KCNQ5: variants seen among roughly 807,000 people sequenced by gnomAD.
KCNQ5 encodes potassium voltage-gated channel subfamily Q member 5.
Under a neutral mutation model 98.2 loss-of-function variants are expected in KCNQ5, and 30 were observed. The observed-to-expected ratio is 0.31, with a 90% CI of 0.23 to 0.41. The LOEUF (loss-of-function observed/expected upper bound fraction) is 0.41, where lower values mean the gene tolerates loss of function less well. KCNQ5 is among the 10% of genes least tolerant of loss of function. The pLI, the probability that KCNQ5 is intolerant of heterozygous loss-of-function variation, is 1.00. For synonymous variants in KCNQ5, 458 were observed against 449.4 expected, an observed-to-expected ratio of 1.02 and a Z score of -0.24; for missense variants, 835 against 1,182.5, an observed-to-expected ratio of 0.71 and a Z score of 4.31.
At chr6:73,101,350 A>G (rs966605722) in intron 5 of KCNQ5, among the ~76,000 whole-genome samples, 4 of 152,182 alleles carry the variant, frequency 2.6e-5, no homozygotes, top group African/African-American at 9.7e-5. Context: ...TTAGAACACA[A>G]CAAAGATGCT....
At chr6:73,055,532 C>T (rs1304376204) in intron 3 of KCNQ5, 2 of 1,495,854 alleles carry the variant, frequency 1.3e-6, no homozygotes, top group Non-Finnish European at 1.9e-6. Flanking sequence ...CACAGAAAAT[C>T]ACCTACCCTC....
rs556416717 is a variant in KCNQ5, at chr6:72,914,681, G to A, written c.399-89227G>A. On this transcript the variant is annotated intron_variant, in intron 1 of 13. Coordinates refer to ENST00000370398, the MANE Select transcript of KCNQ5 (RefSeq NM_019842.4). ...CCATTGCTATGACAAAAGAAGCATC[G>A]AGCCCTCAAAGAGCTAAAGAGTAGA... Among the ~76,000 whole-genome samples the A allele has an allele frequency of 9.9e-5, 15 of 151,550 alleles. No homozygotes were observed. In the South Asian group the frequency reaches 2.3e-3, roughly 23 times the overall value.
At chr6:72,737,935 C>T (rs1191854397) in intron 1 of KCNQ5, among the ~76,000 whole-genome samples, 2 of 152,114 alleles carry the variant, frequency 1.3e-5, no homozygotes, top group Non-Finnish European at 2.9e-5. Context: ...GTGGGTGGAT[C>T]ACAAGGTCAG....
intron 10 of KCNQ5, among the ~76,000 whole-genome samples, chr6:73,166,352 C>G (rs1777794278): frequency 6.6e-6 from 1 of 151,568 alleles, no homozygotes; most frequent in South Asian, 2.1e-4. Context: ...AGGAGAATGG[C>G]GTGAACCTGG....
intron 1 of KCNQ5, among the ~76,000 whole-genome samples, chr6:72,623,690 C>T (rs528483341): frequency 6.6e-6 from 1 of 151,656 alleles, no homozygotes; most frequent in East Asian, 1.9e-4. Flanking sequence ...ATTATTATTT[C>T]TGCTTCTTTT....
chr6:72,909,789 T>C (rs1213508996), intron 1 of KCNQ5, among the ~76,000 whole-genome samples: 1 of 152,226 alleles, frequency 6.6e-6, no homozygotes, highest in Non-Finnish European at 1.5e-5. Flanking sequence ...TCTAAATTAA[T>C]AGACTGACTG....
rs143491074 is a variant in KCNQ5 at position 72,852,772 on chromosome 6, G to A, written c.399-151136G>A. Among the ~76,000 whole-genome samples the A allele has an allele frequency of 5.0e-4, 74 of 148,730 alleles. No individual in the cohort carries two copies. The East Asian group carries it at 0.01, about 21-fold the overall frequency. ...TATGAGCCCATTTTTAAACACACAC[G>A]TCAAACAATTATATAAACATAATTA... On this transcript the variant is annotated intron_variant, in intron 1 of 13. Transcript: ENST00000370398.
intron 1 of KCNQ5, among the ~76,000 whole-genome samples, chr6:72,983,268 T>G (rs1226372953): frequency 1.3e-5 from 2 of 152,242 alleles, no homozygotes; most frequent in Admixed American, 1.3e-4. Flanking sequence ...AAGAGTGTTT[T>G]CCAACTTGGT....
chr6:72,693,780 A>G (rs1326275143), intron 1 of KCNQ5, among the ~76,000 whole-genome samples: 3 of 152,294 alleles, frequency 2.0e-5, no homozygotes, highest in East Asian at 1.9e-4. Flanking sequence ...TAATTTGGAG[A>G]GAGACACTTA....
intron 2 of KCNQ5, among the ~76,000 whole-genome samples, chr6:73,029,103 T>C: frequency 6.6e-6 from 1 of 152,152 alleles, no homozygotes; most frequent in East Asian, 1.9e-4. Context: ...GACATATTGA[T>C]GATGTGAGCA....
rs961875938 is a variant in KCNQ5, at chr6:73,198,745, C to T, written c.*3331C>T. 8 of 152,290 alleles carry T rather than the reference C, an allele frequency of 5.3e-5. No individual in the cohort carries two copies. The highest frequency in any genetic ancestry group is 6.8e-3 in the Middle Eastern group (2 of 294). The allele number at this position is 152,290 out of a possible 1,614,324, so 9.4% of individuals were successfully genotyped here. On this transcript the variant is annotated 3_prime_UTR_variant, in exon 14 of 14. Coordinates refer to ENST00000370398, the MANE Select transcript of KCNQ5 (RefSeq NM_019842.4). ...GTCTGTTTCCTGAAAACAAATAAATCGGGAACACCATATCCATTTCAAGCT... is the reference window on the plus strand; with the variant it reads ...GTCTGTTTCCTGAAAACAAATAAATTGGGAACACCATATCCATTTCAAGCT...
At chr6:72,774,436 A>G (rs1332418480) in intron 1 of KCNQ5, among the ~76,000 whole-genome samples, 1 of 152,160 alleles carries the variant, frequency 6.6e-6, no homozygotes, top group African/African-American at 2.4e-5. Flanking sequence ...GATTTCTTAA[A>G]CTAAAACAAA....
intron 1 of KCNQ5, among the ~76,000 whole-genome samples, chr6:72,772,684 C>T (rs191710692): frequency 6.6e-5 from 10 of 152,276 alleles, no homozygotes; most frequent in Admixed American, 2.6e-4. Flanking sequence ...TATTGAAGGG[C>T]TGTGCAGCAT....
intron 1 of KCNQ5, among the ~76,000 whole-genome samples, chr6:72,950,750 A>G (rs1442179104): frequency 6.6e-6 from 1 of 152,142 alleles, no homozygotes; most frequent in Non-Finnish European, 1.5e-5. Context: ...ATCTAGCATG[A>G]TCTGTCTTGA....
rs565090980 is a variant in KCNQ5 at position 73,057,508 on chromosome 6, A to T, written c.616+15446A>T. On this transcript the variant is annotated intron_variant, in intron 3 of 13. Coordinates refer to ENST00000370398, the MANE Select transcript of KCNQ5 (RefSeq NM_019842.4). ...AAAATAAATAAATAAATAAAAATTT[A>T]AAAAATGAATAAAATACATAGAAAT... Among the ~76,000 whole-genome samples, 213 of 152,214 alleles carry T rather than the reference A, an allele frequency of 1.4e-3. 1 individual carries two copies. The highest frequency in any genetic ancestry group is 4.7e-3 in the African/African-American group (195 of 41,564).
chr6:72,669,329 T>A (rs2154473269), intron 1 of KCNQ5, among the ~76,000 whole-genome samples: 1 of 152,308 alleles, frequency 6.6e-6, no homozygotes, highest in South Asian at 2.1e-4. Flanking sequence ...GGGTGATGGA[T>A]CCCGAACAAG....
chr6:72,906,890 T>G (rs187587163), intron 1 of KCNQ5, among the ~76,000 whole-genome samples: 167 of 152,346 alleles, frequency 1.1e-3, no homozygotes, highest in African/African-American at 3.8e-3. Context: ...CCATCAGAGT[T>G]GGGGCTGCAG....
At chr6:73,182,040 T>C (rs998624690) in intron 11 of KCNQ5, among the ~76,000 whole-genome samples, 4 of 152,210 alleles carry the variant, frequency 2.6e-5, no homozygotes, top group Non-Finnish European at 5.9e-5. Flanking sequence ...TTTGTAAGCA[T>C]GTAAGAGGCC....
chr6:72,970,381 T>C (rs1411995218), intron 1 of KCNQ5, among the ~76,000 whole-genome samples: 1 of 152,226 alleles, frequency 6.6e-6, no homozygotes, highest in Non-Finnish European at 1.5e-5. Flanking sequence ...TAAACCTTGA[T>C]GTGATTGGCC....
Sources: gnomAD v4.1 joint callset for allele counts (sites outside exome capture counted in the v4.1 genomes callset) on GRCh38, gnomAD v4.1.1 for gene constraint, MANE v1.5 for transcripts, NCBI Gene and HGNC (gene_info 2026-07-23, HGNC 2026-07-21) for gene names.